ALDH2: variants seen among roughly 807,000 people sequenced by gnomAD.
ALDH2 encodes the protein aldehyde dehydrogenase 2 family member.
In ALDH2, 44 loss-of-function variants were observed where a neutral mutation model predicts 59.6. That is an observed-to-expected ratio of 0.74 (90% CI 0.58 to 0.95). The LOEUF is 0.95. Ranked by LOEUF, ALDH2 falls within the 40% of genes least tolerant of loss-of-function variation. The pLI is 0.00. For missense variants in ALDH2, 570 were observed against 696.3 expected (o/e 0.82, Z 2.04); for synonymous variants, 291 against 284.0 (o/e 1.02, Z -0.25).
Position 111,792,694 on chromosome 12 carries a change from A to G in ALDH2, c.995A>G (p.Tyr332Cys), listed in dbSNP as rs752792758. 4.4e-6 allele frequency: 7 copies of G among 1,605,368 alleles called. No individual in the cohort carries two copies. Among genetic ancestry groups the G allele is most frequent in the Non-Finnish European group, 5.1e-6 (6 of 1,176,550 alleles). Reference sequence around the variant, plus strand: ...CGGACCTTCGTGCAGGAGGACATCTATGATGAGTTTGTGGAGCGGAGCGTT... The same window carrying G: ...CGGACCTTCGTGCAGGAGGACATCTGTGATGAGTTTGTGGAGCGGAGCGTT... Reference protein sequence around the residue: ...GSRTFVQEDIYDEFVERSVAR... With the variant: ...GSRTFVQEDICDEFVERSVAR... Residue 332 changes from tyrosine to cysteine, a missense_variant, in exon 9 of 13, where the codon TAT becomes TGT. Transcript: ENST00000261733.
chr12:111,798,670 G>A (rs1159616248), intron 10 of ALDH2, among the ~76,000 whole-genome samples: 1 of 152,072 alleles, frequency 6.6e-6, no homozygotes, highest in East Asian at 1.9e-4. Context: ...GAGTAGCTGG[G>A]ACTACAGGTG....
chr12:111,799,085 G>T (rs534231552), intron 10 of ALDH2, among the ~76,000 whole-genome samples: 4 of 151,930 alleles, frequency 2.6e-5, no homozygotes, highest in Non-Finnish European at 5.9e-5. Flanking sequence ...GACTAGTCTC[G>T]AACTCCTGAC....
In ALDH2 at chr12:111,783,220, C is replaced by T; in HGVS notation, c.282C>T (p.Arg94=). ...CCTTCCAGCTGGGCTCACCTTGGCG[C>T]CGCATGGACGCATCACACAGGGGCC... ...RAAFQLGSPW[R]RMDASHRGRL... The change falls in exon 3 of 13, where the codon CGC becomes CGT. Residue 94 remains arginine (R), a synonymous_variant. Coordinates refer to ENST00000261733, the MANE Select transcript of ALDH2 (RefSeq NM_000690.4). 6.2e-7 allele frequency: 1 copy of T among 1,613,588 alleles called. No homozygotes were observed. Among genetic ancestry groups the T allele is most frequent in the Non-Finnish European group, 8.5e-7 (1 of 1,179,724 alleles).
In ALDH2 at chr12:111,792,037, G is replaced by A. The variant is rs761724588; in HGVS notation, c.796-24G>A. 1.9e-5 allele frequency: 28 copies of A among 1,499,316 alleles called. No individual in the cohort carries two copies. The African/African-American group carries it at 3.6e-4, about 19-fold the overall frequency. 92.9% of individuals were successfully genotyped at this position (1,499,316 alleles called of 1,614,324 possible). ...TCTTTTCTCCCGGCACTGAGAGCTTGTTCCTGTCTTTCTGTCCCCACAGAT... is the reference window on the plus strand; with the variant it reads ...TCTTTTCTCCCGGCACTGAGAGCTTATTCCTGTCTTTCTGTCCCCACAGAT... On this transcript the variant is annotated intron_variant, in intron 7 of 12. Coordinates refer to ENST00000261733, the MANE Select transcript of ALDH2 (RefSeq NM_000690.4).
intron 12 of ALDH2, 78 bp downstream of exon 12, chr12:111,804,051 A>C (rs1593087681): frequency 1.7e-6 from 1 of 577,322 alleles, no homozygotes; most frequent in Non-Finnish European, 2.7e-6. Flanking sequence ...CTGCTGGGGG[A>C]TTGGGGTCTG....
intron 3 of ALDH2, among the ~76,000 whole-genome samples, chr12:111,785,003 G>A (rs1003447305): frequency 1.3e-5 from 2 of 152,204 alleles, no homozygotes; most frequent in Non-Finnish European, 2.9e-5. Flanking sequence ...ATGGTAGAGA[G>A]CAGAAGCTAA....
Position 111,783,238 on chromosome 12 carries a change from CAG to C in ALDH2, c.301_302del (p.Arg101GlyfsTer53), listed in dbSNP as rs758654733. The C allele has an allele frequency of 6.2e-7, 1 of 1,613,410 alleles. No individual in the cohort carries two copies. The highest frequency in any genetic ancestry group is 1.1e-5 in the South Asian group (1 of 90,904). ...CTTGGCGCCGCATGGACGCATCACACAGGGGCCGGCTGCTGAACCGCCTGGCC... is the reference window on the plus strand; with the variant it reads ...CTTGGCGCCGCATGGACGCATCACACGGGCCGGCTGCTGAACCGCCTGGCC... Reference protein sequence around the residue: ...SPWRRMDASHRGRLLNRLADL... With the variant: ...SPWRRMDASHXGRLLNRLADL... On this transcript the variant is annotated frameshift_variant, in exon 3 of 13. Coordinates refer to ENST00000261733, the MANE Select transcript of ALDH2 (RefSeq NM_000690.4). LOFTEE classifies it high-confidence loss of function.
At chr12:111,808,680 G>A (rs2068515209) in intron 12 of ALDH2, among the ~76,000 whole-genome samples, 1 of 151,964 alleles carries the variant, frequency 6.6e-6, no homozygotes, top group African/African-American at 2.4e-5. Context: ...ACTCCAGCCT[G>A]GGCAACAGAG....
intron 10 of ALDH2, among the ~76,000 whole-genome samples, chr12:111,799,310 C>T (rs1024602070): frequency 6.6e-6 from 1 of 151,720 alleles, no homozygotes; most frequent in South Asian, 2.1e-4. Context: ...GGATTACAGG[C>T]GCACACCACC....
At position 111,791,312 on chromosome 12, in the gene ALDH2, T is replaced by C. The variant is rs1180015746; in HGVS notation, c.688T>C (p.Phe230Leu). 6.2e-7 allele frequency: 1 copy of C among 1,613,790 alleles called. No homozygotes were observed. Among genetic ancestry groups the C allele is most frequent in the South Asian group, 1.1e-5 (1 of 91,002 alleles). The change falls in exon 7 of 13, where the codon TTT (phenylalanine) becomes CTT (leucine). Residue 230 changes from phenylalanine (F) to leucine (L), a missense_variant. By Grantham distance (22) the Phe-to-Leu change is conservative. Coordinates refer to ENST00000261733, the MANE Select transcript of ALDH2 (RefSeq NM_000690.4). ...YVANLIKEAG[F>L]PPGVVNIVPG... ...CCTGGCTGTTTGCTCACAGGCTGGC[T>C]TTCCCCCTGGTGTGGTCAACATTGT... is the stretch of plus-strand genomic sequence containing the variant.
intron 12 of ALDH2, among the ~76,000 whole-genome samples, chr12:111,804,343 G>T (rs1458062280): frequency 6.6e-6 from 1 of 152,168 alleles, no homozygotes; most frequent in Non-Finnish European, 1.5e-5. Context: ...TCATTTGCTG[G>T]GCTTCGTTAT....
chr12:111,778,156 A>G (rs2068246788), intron 1 of ALDH2, among the ~76,000 whole-genome samples: 1 of 152,148 alleles, frequency 6.6e-6, no homozygotes, highest in African/African-American at 2.4e-5. Context: ...TGGCTTTATA[A>G]AAAGGGGGCT....
intron 10 of ALDH2, 175 bp from the exon 11 acceptor site, chr12:111,799,731 A>G (rs986724302): frequency 1.4e-6 from 1 of 694,988 alleles, no homozygotes; most frequent in African/African-American, 1.8e-5. Context: ...GGCCCCTGTT[A>G]GCTCCATTCC....
At chr12:111,774,562 CT>C (rs1314122948) in intron 1 of ALDH2, among the ~76,000 whole-genome samples, 1 of 152,182 alleles carries the variant, frequency 6.6e-6, no homozygotes, top group Admixed American at 6.5e-5. Flanking sequence ...AAAGCTTGAA[CT>C]GAAATCTTTC....
intron 12 of ALDH2, among the ~76,000 whole-genome samples, chr12:111,807,441 G>T (rs1301989058): frequency 6.6e-6 from 1 of 152,174 alleles, no homozygotes; most frequent in Non-Finnish European, 1.5e-5. Context: ...GCAGGAGGTG[G>T]CCATGTGGGT....
intron 12 of ALDH2, among the ~76,000 whole-genome samples, chr12:111,804,192 C>T (rs2068475531): frequency 6.6e-6 from 1 of 152,144 alleles, no homozygotes; most frequent in Non-Finnish European, 1.5e-5. Context: ...CTTTTGGCCT[C>T]TCCCTCATGC....
At chr12:111,800,640 C>T (rs2068444286) in intron 11 of ALDH2, among the ~76,000 whole-genome samples, 1 of 151,916 alleles carries the variant, frequency 6.6e-6, no homozygotes, top group African/African-American at 2.4e-5. Context: ...GCCATGTTGC[C>T]CAGGCTGGGC....
intron 12 of ALDH2, among the ~76,000 whole-genome samples, chr12:111,807,292 A>G (rs1271637419): frequency 6.6e-6 from 1 of 151,918 alleles, no homozygotes; most frequent in Non-Finnish European, 1.5e-5. Flanking sequence ...ACGGAAAAAA[A>G]AAAACAGTAG....
At chr12:111,789,434 G>A (rs2068338259) in intron 4 of ALDH2, among the ~76,000 whole-genome samples, 1 of 150,408 alleles carries the variant, frequency 6.6e-6, no homozygotes, top group African/African-American at 2.4e-5. Context: ...CGAGGTTGCA[G>A]TGAGCCCAGA....
Sources: allele counts gnomAD v4.1 joint callset (sites outside exome capture counted in the v4.1 genomes callset), GRCh38; gene constraint gnomAD v4.1.1; transcripts MANE v1.5; gene names NCBI Gene and HGNC (gene_info 2026-07-23, HGNC 2026-07-21).